The following NOX3 variants were observed in gnomAD, a reference collection of about 807,000 sequenced individuals.
NOX3 encodes the protein NADPH oxidase catalytic subunit-like 3.
NOX3 carries 74 observed loss-of-function variants against 76.7 expected under a neutral mutation model. That is an observed-to-expected ratio of 0.96 (90% CI 0.80 to 1.17). The LOEUF (loss-of-function observed/expected upper bound fraction) is 1.17, where lower values mean the gene tolerates loss of function less well. Ranked by LOEUF, NOX3 falls within the 50% of genes most tolerant of loss-of-function variation. NOX3 has a pLI of 0.00. For synonymous variants in NOX3, 263 were observed against 261.1 expected, an observed-to-expected ratio of 1.01 and a Z score of -0.07; for missense variants, 695 against 703.3, an observed-to-expected ratio of 0.99 and a Z score of 0.13.
chr6:155,426,796 A>G (rs561092086), intron 9 of NOX3, among the ~76,000 whole-genome samples: 1 of 152,286 alleles, frequency 6.6e-6, no homozygotes, highest in South Asian at 2.1e-4. Context: ...GCTACTGAGT[A>G]ACCAGTACTG....
At chr6:155,399,519 T>A (rs1200619776) in intron 12 of NOX3, among the ~76,000 whole-genome samples, 1 of 152,176 alleles carries the variant, frequency 6.6e-6, no homozygotes, top group Non-Finnish European at 1.5e-5. Flanking sequence ...AGGCCATTTA[T>A]TATCTACCTT....
rs569403980 is a variant in NOX3 at position 155,440,251 on chromosome 6, G to C, written c.487-114C>G. 1.4e-4 allele frequency: 109 copies of C among 785,780 alleles called. No homozygotes were observed. In the African/African-American group the frequency reaches 1.8e-3, roughly 13 times the overall value. 48.7% of individuals were successfully genotyped at this position (785,780 alleles called of 1,614,324 possible). On this transcript the variant is annotated intron_variant, in intron 5 of 13. Transcript: ENST00000159060. Reference sequence around the variant, plus strand: ...TTAGGACCAGTACTTGAGATTTCAAGCAGGGAGCCGTTCACAATGTTTCAC... The same window carrying C: ...TTAGGACCAGTACTTGAGATTTCAACCAGGGAGCCGTTCACAATGTTTCAC...
chr6:155,439,326 G>A (rs1295993919), intron 6 of NOX3, among the ~76,000 whole-genome samples: 1 of 152,180 alleles, frequency 6.6e-6, no homozygotes, highest in East Asian at 1.9e-4. Flanking sequence ...ATTTGAGGGT[G>A]AACACATCAG....
chr6:155,404,251 C>A (rs1417548752), intron 12 of NOX3, among the ~76,000 whole-genome samples: 1 of 151,990 alleles, frequency 6.6e-6, no homozygotes, highest in Admixed American at 6.6e-5. Flanking sequence ...GAAATGATCT[C>A]GTCTCTCCTC....
At chr6:155,418,118 T>C (rs894217852) in intron 10 of NOX3, among the ~76,000 whole-genome samples, 3 of 152,202 alleles carry the variant, frequency 2.0e-5, no homozygotes, top group African/African-American at 4.8e-5. Flanking sequence ...AGAACTAAAA[T>C]GTGTAAGCCA....
At chr6:155,420,480 T>C (rs190208825) in intron 10 of NOX3, among the ~76,000 whole-genome samples, 2 of 152,322 alleles carry the variant, frequency 1.3e-5, no homozygotes, top group East Asian at 1.9e-4. Flanking sequence ...GTCACTGTTT[T>C]GCTTGCTTTG....
In NOX3 at chr6:155,421,787, G is replaced by A. The variant is rs75410834; in HGVS notation, c.1308+907C>T. Among the ~76,000 whole-genome samples the A allele has an allele frequency of 8.5e-3, 1,298 of 152,208 alleles. 18 individuals carry two copies. Among genetic ancestry groups the A allele is most frequent in the African/African-American group, 0.029 (1,204 of 41,520 alleles). On this transcript the variant is annotated intron_variant, in intron 10 of 13. Coordinates refer to ENST00000159060, the MANE Select transcript of NOX3 (RefSeq NM_015718.3). ...TGGGGTTACAGGCATGAGCTACTGC[G>A]CCCCACCCCCGCAGAACTTATTTAA...
At position 155,440,032 on chromosome 6, in the gene NOX3, C is replaced by G; in HGVS notation, c.592G>C (p.Ala198Pro). The change falls in exon 6 of 14, where the codon GCC (alanine) becomes CCC (proline). Residue 198 changes from alanine (A) to proline (P), a missense_variant. Physicochemically the swap from Ala to Pro is conservative, Grantham distance 27 (BLOSUM62 -1). Transcript: ENST00000159060. ...MTSSTEFIRQ[A>P]SYELFWYTHH... ...GTGTACCAGAACAACTCATAGGAGG[C>G]CTGTCTGATGAACTCAGTTGACGAG... 1 of 1,613,954 alleles carries G rather than the reference C, an allele frequency of 6.2e-7. No individual in the cohort carries two copies. Among genetic ancestry groups the G allele is most frequent in the Non-Finnish European group, 8.5e-7 (1 of 1,179,928 alleles).
intron 1 of NOX3, 113 bp from the exon 2 acceptor site, chr6:155,455,242 C>A: frequency 1.6e-6 from 1 of 644,094 alleles, no homozygotes; most frequent in East Asian, 2.7e-5. Flanking sequence ...CAATATTAAT[C>A]AGAATTACTC....
chr6:155,419,747 G>C (rs1207850597), intron 10 of NOX3, among the ~76,000 whole-genome samples: 1 of 152,144 alleles, frequency 6.6e-6, no homozygotes, highest in Admixed American at 6.6e-5. Context: ...GCTGAGAAAG[G>C]AGGCAAAATT....
At chr6:155,424,006 G>A (rs948365436) in intron 9 of NOX3, among the ~76,000 whole-genome samples, 1 of 152,154 alleles carries the variant, frequency 6.6e-6, no homozygotes, top group Non-Finnish European at 1.5e-5. Context: ...CTCCCAAAGT[G>A]CTGGGATTAC....
At chr6:155,434,596 A>G (rs902154887) in intron 7 of NOX3, among the ~76,000 whole-genome samples, 1 of 152,238 alleles carries the variant, frequency 6.6e-6, no homozygotes, top group African/African-American at 2.4e-5. Flanking sequence ...AATGAGAGCA[A>G]GAATGCAGTT....
intron 6 of NOX3, among the ~76,000 whole-genome samples, chr6:155,438,009 A>G (rs990278483): frequency 3.3e-5 from 5 of 152,222 alleles, no homozygotes; most frequent in South Asian, 2.1e-4. Flanking sequence ...ATGAGATGTT[A>G]TTTGGATATC....
At chr6:155,426,886 C>A (rs540325358) in intron 9 of NOX3, among the ~76,000 whole-genome samples, 1 of 152,010 alleles carries the variant, frequency 6.6e-6, no homozygotes, top group South Asian at 2.1e-4. Context: ...TAAGTGTATA[C>A]ACACAGGGCA....
intron 12 of NOX3, 78 bp downstream of exon 12, chr6:155,407,052 A>C (rs1776473361): frequency 6.5e-7 from 1 of 1,529,520 alleles, no homozygotes; most frequent in Admixed American, 1.7e-5. Context: ...GGTACTGCAG[A>C]TTAACTTTTC....
chr6:155,422,568 A>G, intron 10 of NOX3, 126 bp downstream of exon 10: 2 of 820,494 alleles, frequency 2.4e-6, no homozygotes, highest in Non-Finnish European at 3.9e-6. Flanking sequence ...ACATAAGTAT[A>G]GTTAAGGATC....
Position 155,422,801 on chromosome 6 carries a change from C to G in NOX3, c.1201G>C (p.Val401Leu). 1 of 1,614,224 alleles carries G rather than the reference C, an allele frequency of 6.2e-7. No homozygotes were observed. The highest frequency in any genetic ancestry group is 2.2e-5 in the East Asian group (1 of 44,878). ...ATCCCCGCGGCAACGCACACACACA[C>G]TGGGTAGTGAAATACATCTGTCAGG... ...TALTDVFHYP[V>L]CVCVAAGIGV... Residue 401 changes from valine to leucine, a missense_variant, in exon 10 of 14, where the codon GTG becomes CTG. Val to Leu is a conservative substitution (Grantham distance 32, BLOSUM62 1). Coordinates refer to ENST00000159060, the MANE Select transcript of NOX3 (RefSeq NM_015718.3).
At chr6:155,420,775 C>G (rs554815661) in intron 10 of NOX3, among the ~76,000 whole-genome samples, 2 of 152,258 alleles carry the variant, frequency 1.3e-5, no homozygotes, top group African/African-American at 4.8e-5. Flanking sequence ...TGCCCAGTTT[C>G]CTTCCTGTTA....
At position 155,449,894 on chromosome 6, in the gene NOX3, G is replaced by A. The variant is rs115893594; in HGVS notation, c.340+3510C>T. ...CTGCTCCCAAGTGAATCTACCAGAA[G>A]AAGAAAATGTGAAAAGCAGAGGTGT... is the stretch of plus-strand genomic sequence containing the variant. On this transcript the variant is annotated intron_variant, in intron 4 of 13. Coordinates refer to ENST00000159060, the MANE Select transcript of NOX3 (RefSeq NM_015718.3). 4.3e-3 allele frequency among the ~76,000 whole-genome samples: 654 copies of A among 152,340 alleles called. 1 individual carries two copies. Among genetic ancestry groups the A allele is most frequent in the African/African-American group, 0.015 (618 of 41,586 alleles).
Sources: gnomAD v4.1 joint callset for allele counts (sites outside exome capture counted in the v4.1 genomes callset) on GRCh38, gnomAD v4.1.1 for gene constraint, MANE v1.5 for transcripts, NCBI Gene and HGNC (gene_info 2026-07-23, HGNC 2026-07-21) for gene names.